The following GRHL1 variants were observed in gnomAD, a reference collection of about 807,000 sequenced individuals.
GRHL1 encodes grainyhead-like protein 1 homolog.
A neutral mutation model predicts 75.7 loss-of-function variants in GRHL1; 38 were observed. The ratio of observed to expected loss-of-function variants is 0.50; its 90% CI spans 0.39 to 0.66. The LOEUF (loss-of-function observed/expected upper bound fraction) is 0.66, where lower values mean the gene tolerates loss of function less well. GRHL1 is among the 30% of genes least tolerant of loss of function. The pLI is 0.00. For synonymous variants in GRHL1, 266 were observed against 279.4 expected (o/e 0.95, Z 0.48); for missense variants, 589 against 767.5 (o/e 0.77, Z 2.75).
chr2:9,970,263 A>G (rs1026484751), intron 8 of GRHL1, among the ~76,000 whole-genome samples: 1 of 152,254 alleles, frequency 6.6e-6, no homozygotes, highest in Non-Finnish European at 1.5e-5. Context: ...TCATTCACAC[A>G]TTTAATTTTA....
intron 9 of GRHL1, among the ~76,000 whole-genome samples, chr2:9,989,183 T>G (rs1668541904): frequency 6.6e-6 from 1 of 152,178 alleles, no homozygotes; most frequent in African/African-American, 2.4e-5. Context: ...CAGAAGGTGG[T>G]TTTATATTCT....
intron 15 of GRHL1, among the ~76,000 whole-genome samples, chr2:9,999,579 G>A (rs750207975): frequency 6.6e-6 from 1 of 152,222 alleles, no homozygotes; most frequent in African/African-American, 2.4e-5. Context: ...GAGGCTTTTC[G>A]GGGCCATGGT....
At position 9,974,801 on chromosome 2, in the gene GRHL1, G is replaced by A. The variant is rs989916552; in HGVS notation, c.1110+9420G>A. Among the ~76,000 whole-genome samples the A allele has an allele frequency of 5.3e-5, 8 of 152,288 alleles. No individual in the cohort carries two copies. In the East Asian group the frequency reaches 5.8e-4, roughly 11 times the overall value. On this transcript the variant is annotated intron_variant, in intron 8 of 15. Coordinates refer to ENST00000324907, the MANE Select transcript of GRHL1 (RefSeq NM_198182.3). ...CATTCATTCATTGAGCGAATTGTTC[G>A]TTGCACTTCTCTATGTAAGCACTGC...
chr2:9,995,946 G>GC lies in GRHL1; in HGVS notation c.1570dup (p.Arg524ProfsTer21). 1 of 1,609,726 alleles carries GC rather than the reference G, an allele frequency of 6.2e-7. No individual in the cohort carries two copies. The highest frequency in any genetic ancestry group is 8.5e-7 in the Non-Finnish European group (1 of 1,175,904). ...TGCTGTCCCTCCTTCTACCAAGCTG[G>GC]CCCGGATAGAAGAACCAAAGAGAGG... is the stretch of plus-strand genomic sequence containing the variant. On this transcript the variant is annotated frameshift_variant, in exon 13 of 16. Transcript: ENST00000324907. LOFTEE classifies it high-confidence loss of function.
intron 8 of GRHL1, 27 bp from the exon 9 acceptor site, chr2:9,986,097 T>A: frequency 1.9e-6 from 3 of 1,583,828 alleles, no homozygotes; most frequent in Non-Finnish European, 2.6e-6. Flanking sequence ...TGCCTGTTGC[T>A]TATGGAACCT....
rs1312523186 is a variant in GRHL1, at chr2:9,995,896, G to C, written c.1517G>C (p.Gly506Ala). Residue 506 changes from glycine (G) to alanine (A), a missense_variant, in exon 13 of 16, where the codon GGG (glycine) becomes GCG (alanine). Around this residue, in one of 5 missense-constraint regions of GRHL1, gnomAD observed 192 missense variants for 226.6 expected, o/e 0.85. Transcript: ENST00000324907. The stretch of plus-strand genomic sequence containing the variant: ...CACTGCAGCTCTGTCTTGAAAAGGG[G>C]GCCGTACGGCACAGAAGATGACTTT... ...LEGEGSVLKR[G>A]PYGTEDDFAV... 2 of 1,610,880 alleles carry C rather than the reference G, an allele frequency of 1.2e-6. No homozygotes were observed. Among genetic ancestry groups the C allele is most frequent in the Non-Finnish European group, 8.5e-7 (1 of 1,177,158 alleles).
rs1668410642 is a variant in GRHL1, at chr2:9,986,214, A to G, written c.1201A>G (p.Ser401Gly). The change falls in exon 9 of 16, where the codon AGT becomes GGT. Residue 401 changes from serine (S) to glycine (G), a missense_variant. By Grantham distance (56) the Ser-to-Gly change is moderately conservative. This residue lies in a region of GRHL1 where 30 missense variants were observed against 40.3 expected (regional missense o/e 0.74). Transcript: ENST00000324907. ...TCTTAACATTCAAGTTGATACCTATAGTTACAACAACCGCAGCAACAAGCC... is the reference window on the plus strand; with the variant it reads ...TCTTAACATTCAAGTTGATACCTATGGTTACAACAACCGCAGCAACAAGCC... ...LPLNIQVDTY[S>G]YNNRSNKPVH... 6.2e-7 allele frequency: 1 copy of G among 1,613,490 alleles called. No homozygotes were observed. The highest frequency in any genetic ancestry group is 1.1e-5 in the South Asian group (1 of 91,060).
rs1558320310 is a variant in GRHL1, at chr2:9,998,611, C to CACATATATATACACAT, written c.1678-353_1678-352insCATATATATACACATA. On this transcript the variant is annotated intron_variant, in intron 14 of 15. Transcript: ENST00000324907. ...ATATATATGTACACATATATATATA[C>CACATATATATACACAT]ATATATATGTACACATATACATATA... Among the ~76,000 whole-genome samples the CACATATATATACACAT allele has an allele frequency of 3.7e-4, 16 of 43,386 alleles. 2 individuals carry two copies. The highest frequency in any genetic ancestry group is 2.2e-3 in the African/African-American group (14 of 6,330). 28.5% of individuals were successfully genotyped at this position (43,386 alleles called of 152,430 possible).
At chr2:9,957,694 C>T (rs951535327) in intron 2 of GRHL1, among the ~76,000 whole-genome samples, 1 of 152,184 alleles carries the variant, frequency 6.6e-6, no homozygotes, top group African/African-American at 2.4e-5. Context: ...CAGGCGTGAG[C>T]CACCGCGCCT....
rs1233055419 is a variant in GRHL1, at chr2:9,992,793, C to G, written c.1462-414C>G. 6.6e-6 allele frequency among the ~76,000 whole-genome samples: 1 copy of G among 152,160 alleles called. No individual in the cohort carries two copies. On this transcript the variant is annotated intron_variant, in intron 11 of 15. Transcript: ENST00000324907. The surrounding 1 kb of genome is among the most constrained non-coding windows in gnomAD (Gnocchi z 4.6). ...TTCGTCAGAGTTCTTGGGGCCATGG[C>G]CAGTACATTTAGTTTCTAATGGGAA...
At chr2:9,989,709 C>T (rs781604715) in intron 9 of GRHL1, among the ~76,000 whole-genome samples, 3 of 151,990 alleles carry the variant, frequency 2.0e-5, no homozygotes, top group Non-Finnish European at 2.9e-5. Flanking sequence ...TCACCACGCC[C>T]GGCTAAATTT....
In GRHL1 at chr2:9,951,719, T is replaced by TCGGGGCCGCCGCTCCGGACC. The variant is rs1666771294; in HGVS notation, c.-112_-93dup. 5.1e-6 allele frequency: 5 copies of TCGGGGCCGCCGCTCCGGACC among 987,000 alleles called. No individual in the cohort carries two copies. The Admixed American group carries it at 1.3e-4, about 26-fold the overall frequency. The allele number at this position is 987,000 out of a possible 1,614,324, so 61.1% of individuals were successfully genotyped here. A position where few individuals can be genotyped will look rare whatever the true frequency, so the allele number is the denominator to read the frequency against. On this transcript the variant is annotated 5_prime_UTR_variant, in exon 1 of 16. Coordinates refer to ENST00000324907, the MANE Select transcript of GRHL1 (RefSeq NM_198182.3). The surrounding 1 kb of genome is among the most constrained non-coding windows in gnomAD (Gnocchi z 4.2). Reference sequence around the variant, plus strand: ...GAGCGAGAAAAGCAAACCCAACCCGTCGGGGCCGCCGCTCCGGACCCGCAG... The same window carrying TCGGGGCCGCCGCTCCGGACC: ...GAGCGAGAAAAGCAAACCCAACCCGTCGGGGCCGCCGCTCCGGACCCGGGGCCGCCGCTCCGGACCCGCAG...
chr2:9,953,498 C>T (rs1189452235), intron 1 of GRHL1, among the ~76,000 whole-genome samples: 6 of 152,208 alleles, frequency 3.9e-5, no homozygotes, highest in Non-Finnish European at 8.8e-5. Flanking sequence ...TGGCTTTGAA[C>T]AGTCTTTTAT....
At chr2:9,954,500 G>A (rs889148122) in intron 1 of GRHL1, among the ~76,000 whole-genome samples, 6 of 152,218 alleles carry the variant, frequency 3.9e-5, no homozygotes, top group African/African-American at 1.4e-4. Flanking sequence ...ACATGTAGCA[G>A]TGTGATGAAC....
Position 9,984,981 on chromosome 2 carries a change from T to C in GRHL1, c.1111-1143T>C, listed in dbSNP as rs896328051. On this transcript the variant is annotated intron_variant, in intron 8 of 15. Transcript: ENST00000324907. ...TAGTTGGAAGGCTGAGGTGGGAGCA[T>C]GGCTTGAATCCAGAAGGCAAAGGTT... 2.5e-4 allele frequency among the ~76,000 whole-genome samples: 37 copies of C among 150,272 alleles called. 1 individual carries two copies. The highest frequency in any genetic ancestry group is 7.4e-5 in the Non-Finnish European group (5 of 67,746).
intron 3 of GRHL1, chr2:9,960,083 T>C (rs1329278400): frequency 6.6e-6 from 1 of 152,214 alleles, no homozygotes; most frequent in Non-Finnish European, 1.5e-5. Flanking sequence ...AAACCAAAAT[T>C]TAATTTTATA....
Position 9,993,187 on chromosome 2 carries a change from A to G in GRHL1, c.1462-20A>G, listed in dbSNP as rs1558315282. The G allele has an allele frequency of 3.2e-6, 5 of 1,576,560 alleles. No individual in the cohort carries two copies. In the South Asian group the frequency reaches 3.3e-5, roughly 10 times the overall value. ...ATTTTGAGCATACATTTGAAAAGCAATCTATTCCTTTGGTCTTAGGTCCTT... is the reference window on the plus strand; with the variant it reads ...ATTTTGAGCATACATTTGAAAAGCAGTCTATTCCTTTGGTCTTAGGTCCTT... On this transcript the variant is annotated intron_variant, in intron 11 of 15. Coordinates refer to ENST00000324907, the MANE Select transcript of GRHL1 (RefSeq NM_198182.3).
intron 8 of GRHL1, among the ~76,000 whole-genome samples, chr2:9,982,744 A>G (rs887282210): frequency 1.3e-5 from 2 of 152,220 alleles, no homozygotes; most frequent in South Asian, 2.1e-4. Context: ...TAAGTTTTAC[A>G]TAAGTAGTTA....
At chr2:9,965,486 C>G (rs1482130063) in intron 8 of GRHL1, 105 bp downstream of exon 8, 1 of 659,464 alleles carries the variant, frequency 1.5e-6, no homozygotes, top group Admixed American at 2.6e-5. Context: ...TTATGTGTTT[C>G]ATTCTCAGGT....
Sources: allele counts gnomAD v4.1 joint callset (sites outside exome capture counted in the v4.1 genomes callset), GRCh38; gene constraint gnomAD v4.1.1; regional missense constraint gnomAD v4.1.1; non-coding constraint Gnocchi (gnomAD v3.1); transcripts MANE v1.5; gene names NCBI Gene and HGNC (gene_info 2026-07-23, HGNC 2026-07-21).